HIPK2: variants seen among roughly 807,000 people sequenced by gnomAD.
The protein encoded by HIPK2 is homeodomain interacting protein kinase 2.
In HIPK2, 27 loss-of-function variants were observed where a neutral mutation model predicts 113.7. The ratio of observed to expected loss-of-function variants is 0.24; its 90% CI spans 0.17 to 0.33. The LOEUF is 0.33. HIPK2 is among the 10% of genes least tolerant of loss of function. The pLI is 1.00. For missense variants in HIPK2, 1,257 were observed against 1,588.0 expected, an observed-to-expected ratio of 0.79 and a Z score of 3.54; for synonymous variants, 631 against 642.2, an observed-to-expected ratio of 0.98 and a Z score of 0.26.
chr7:139,710,623 A>G (rs1166892807), intron 2 of HIPK2, among the ~76,000 whole-genome samples: 1 of 152,216 alleles, frequency 6.6e-6, no homozygotes, highest in African/African-American at 2.4e-5. Context: ...ACTCTGGAGC[A>G]CATATCTACT....
intron 13 of HIPK2, among the ~76,000 whole-genome samples, chr7:139,581,529 A>C (rs2116528054): frequency 6.6e-6 from 1 of 152,374 alleles, no homozygotes; most frequent in African/African-American, 2.4e-5. Flanking sequence ...GGACTGAAAG[A>C]CTGAGAGCCA....
chr7:139,625,848 C>G (rs1456369544), intron 6 of HIPK2, among the ~76,000 whole-genome samples: 1 of 152,170 alleles, frequency 6.6e-6, no homozygotes, highest in Admixed American at 6.5e-5. Flanking sequence ...GCACACAGCA[C>G]GCTGAAGAAA....
At chr7:139,623,112 A>T (rs1408225801) in intron 6 of HIPK2, among the ~76,000 whole-genome samples, 1 of 152,144 alleles carries the variant, frequency 6.6e-6, no homozygotes, top group Non-Finnish European at 1.5e-5. Flanking sequence ...ATATCAAAAG[A>T]CTGAAATCAT....
rs564888757 is a variant in HIPK2 at position 139,573,496 on chromosome 7, A to G, written c.3127-99T>C. On this transcript the variant is annotated intron_variant, in intron 14 of 14. Transcript: ENST00000406875. ...AGGGCAGGGAGGAGGAAGAGAAGGG[A>G]AAGACTCCAGAAGTAATAGAAGGGG... The G allele has an allele frequency of 8.5e-5, 95 of 1,123,940 alleles. 2 individuals carry two copies. The African/African-American group carries it at 1.3e-3, about 16-fold the overall frequency. 69.6% of individuals were successfully genotyped at this position (1,123,940 alleles called of 1,614,324 possible).
rs1800617281 is a variant in HIPK2, at chr7:139,631,524, A to C, written c.1227+78T>G. 1 of 1,570,716 alleles carries C rather than the reference A, an allele frequency of 6.4e-7. No homozygotes were observed. Among genetic ancestry groups the C allele is most frequent in the South Asian group, 1.2e-5 (1 of 83,632 alleles). On this transcript the variant is annotated intron_variant, in intron 3 of 14. Coordinates refer to ENST00000406875, the MANE Select transcript of HIPK2 (RefSeq NM_022740.5). The surrounding 1 kb of genome is among the most constrained non-coding windows in gnomAD (Gnocchi z 4.9). ...CCACAGTCCCGCCCATTTGTCATGT[A>C]ATCAATGAAATGCTAATCCAGGCTA... is the stretch of plus-strand genomic sequence containing the variant.
chr7:139,623,249 G>A (rs1585290850), intron 6 of HIPK2, among the ~76,000 whole-genome samples: 1 of 152,106 alleles, frequency 6.6e-6, no homozygotes, highest in South Asian at 2.1e-4. Flanking sequence ...GGTGGCTCAC[G>A]CCTGTAATCC....
At chr7:139,652,144 T>A (rs1440726560) in intron 2 of HIPK2, among the ~76,000 whole-genome samples, 1 of 152,226 alleles carries the variant, frequency 6.6e-6, no homozygotes, top group Non-Finnish European at 1.5e-5. Flanking sequence ...AAGCACTGGA[T>A]CACTGCTTCT....
chr7:139,595,849 T>C (rs1277198390), intron 12 of HIPK2, among the ~76,000 whole-genome samples: 1 of 152,234 alleles, frequency 6.6e-6, no homozygotes, highest in Non-Finnish European at 1.5e-5. Flanking sequence ...TCGAGCCTAA[T>C]TGTGAATTAG....
At chr7:139,671,958 T>C (rs1375899784) in intron 2 of HIPK2, among the ~76,000 whole-genome samples, 3 of 152,228 alleles carry the variant, frequency 2.0e-5, no homozygotes, top group Non-Finnish European at 4.4e-5. Flanking sequence ...ATTTTTTAAT[T>C]CCTCCCATTT....
At chr7:139,587,553 C>T (rs1798878155) in intron 12 of HIPK2, among the ~76,000 whole-genome samples, 1 of 145,028 alleles carries the variant, frequency 6.9e-6, no homozygotes, top group African/African-American at 2.6e-5. Flanking sequence ...CGCCGCTGTA[C>T]ATCAGGGCTC....
At chr7:139,636,037 C>G (rs1414137251) in intron 2 of HIPK2, among the ~76,000 whole-genome samples, 5 of 152,198 alleles carry the variant, frequency 3.3e-5, no homozygotes, top group Non-Finnish European at 2.9e-5. Context: ...TCAGCTTCCT[C>G]TAATTGGAGT....
At chr7:139,735,455 C>T (rs1343612967) in intron 1 of HIPK2, among the ~76,000 whole-genome samples, 1 of 152,174 alleles carries the variant, frequency 6.6e-6, no homozygotes, top group South Asian at 2.1e-4. Context: ...GTCAAATTTC[C>T]AAATCTGCTA....
Position 139,658,110 on chromosome 7 carries a change from A to T in HIPK2, c.1104-26385T>A, listed in dbSNP as rs181906970. ...CACCTGAGGTCAGGAGTTCTAGACC[A>T]GCCTGAGCAACATGGTGAAACCCCG... On this transcript the variant is annotated intron_variant, in intron 2 of 14. Coordinates refer to ENST00000406875, the MANE Select transcript of HIPK2 (RefSeq NM_022740.5). Among the ~76,000 whole-genome samples, 7 of 152,344 alleles carry T rather than the reference A, an allele frequency of 4.6e-5. No individual in the cohort carries two copies. The East Asian group carries it at 1.3e-3, about 29-fold the overall frequency.
At chr7:139,641,333 C>T (rs1801010073) in intron 2 of HIPK2, among the ~76,000 whole-genome samples, 1 of 148,926 alleles carries the variant, frequency 6.7e-6, no homozygotes, top group African/African-American at 2.5e-5. Context: ...CCACTACACT[C>T]CAGCCTGGGT....
chr7:139,686,152 G>A (rs1794210138), intron 2 of HIPK2, among the ~76,000 whole-genome samples: 2 of 152,176 alleles, frequency 1.3e-5, no homozygotes, highest in Non-Finnish European at 2.9e-5. Flanking sequence ...AACCTACATG[G>A]ATGACTTTGA....
chr7:139,628,998 T>A lies in HIPK2; in HGVS notation c.1389A>T (p.Lys463Asn). 6.3e-7 allele frequency: 1 copy of A among 1,596,438 alleles called. No homozygotes were observed. Among genetic ancestry groups the A allele is most frequent in the Non-Finnish European group, 8.5e-7 (1 of 1,169,914 alleles). ...AGTTGAAAATGTACTTTCTTGCTTC[T>A]TTTGACTTAATCCCTGTCTCTGCTT... The part of the protein sequence containing the change: ...DHEAETGIKS[K>N]EARKYIFNCL... The change falls in exon 5 of 15, where the codon AAA becomes AAT. Residue 463 changes from lysine to asparagine, a missense_variant. Lys to Asn is a moderately conservative substitution (Grantham distance 94, BLOSUM62 0). Transcript: ENST00000406875.
Position 139,572,594 on chromosome 7 carries a change from G to A in HIPK2, c.*333C>T, listed in dbSNP as rs1175208543. Reference sequence around the variant, plus strand: ...GGCGTAGAATGGGTTCTTGAGCTGGGTTTTTTGTTATTGACTTTTTTTTTT... The same window carrying A: ...GGCGTAGAATGGGTTCTTGAGCTGGATTTTTTGTTATTGACTTTTTTTTTT... On this transcript the variant is annotated 3_prime_UTR_variant, in exon 15 of 15. Coordinates refer to ENST00000406875, the MANE Select transcript of HIPK2 (RefSeq NM_022740.5). The A allele has an allele frequency of 9.1e-6, 2 of 220,548 alleles. No individual in the cohort carries two copies. The highest frequency in any genetic ancestry group is 2.3e-5 in the African/African-American group (1 of 43,702). The allele number at this position is 220,548 out of a possible 1,614,324, so 13.7% of individuals were successfully genotyped here. A position where few individuals can be genotyped will look rare whatever the true frequency, so the allele number is the denominator to read the frequency against.
Position 139,716,354 on chromosome 7 carries a change from G to C in HIPK2, c.681C>G (p.Ile227Met). 9 of 1,614,160 alleles carry C rather than the reference G, an allele frequency of 5.6e-6. No homozygotes were observed. Among genetic ancestry groups the C allele is most frequent in the Non-Finnish European group, 5.9e-6 (7 of 1,180,024 alleles). The change falls in exon 2 of 15, where the codon ATC (isoleucine) becomes ATG (methionine). Residue 227 changes from isoleucine to methionine, a missense_variant. Ile to Met is a conservative substitution (Grantham distance 10, BLOSUM62 1). This residue lies in a region of HIPK2 where 78 missense variants were observed against 145.7 expected (regional missense o/e 0.54). Transcript: ENST00000406875. The surrounding 1 kb of genome is among the most constrained non-coding windows in gnomAD (Gnocchi z 9.3). The stretch of plus-strand genomic sequence containing the variant: ...AGGATGGGTGGTTCTTCAGGATCTT[G>C]ATGGCTACGATCTCATTGGTGCCCC... ...WKRGTNEIVA[I>M]KILKNHPSYA...
intron 1 of HIPK2, among the ~76,000 whole-genome samples, chr7:139,756,611 G>GA (rs1796367313): frequency 6.6e-6 from 1 of 152,208 alleles, no homozygotes; most frequent in Non-Finnish European, 1.5e-5. Flanking sequence ...TTTTAGTAGA[G>GA]ATGGGGTTTC....
Sources: allele counts gnomAD v4.1 joint callset (sites outside exome capture counted in the v4.1 genomes callset), GRCh38; gene constraint gnomAD v4.1.1; regional missense constraint gnomAD v4.1.1; non-coding constraint Gnocchi (gnomAD v3.1); transcripts MANE v1.5; gene names NCBI Gene and HGNC (gene_info 2026-07-23, HGNC 2026-07-21).